Variants in UBQLN4 observed in about 807,000 individuals in gnomAD.
The protein encoded by UBQLN4 is ubiquilin 4, also known as ubiquilin-4.
Under a neutral mutation model 60.4 loss-of-function variants are expected in UBQLN4, and 11 were observed. The ratio of observed to expected loss-of-function variants is 0.18; its 90% CI spans 0.11 to 0.30. The LOEUF is 0.30. Ranked by LOEUF, UBQLN4 falls within the 10% of genes least tolerant of loss-of-function variation. The pLI is 1.00. For missense variants in UBQLN4, 417 were observed against 795.5 expected, an observed-to-expected ratio of 0.52 and a Z score of 5.72; for synonymous variants, 258 against 313.1, an observed-to-expected ratio of 0.82 and a Z score of 1.86.
At chr1:156,039,936 CAAAAAAAAAAA>C (rs34790727) in intron 10 of UBQLN4, among the ~76,000 whole-genome samples, 1 of 72,008 alleles carries the variant, frequency 1.4e-5, no homozygotes, top group Non-Finnish European at 2.5e-5. Context: ...GACTCCGTCT[CAAAAAAAAAAA>C]AAAAAAAAAA....
intron 1 of UBQLN4, 58 bp from the exon 2 acceptor site, chr1:156,051,915 C>A: frequency 6.2e-7 from 1 of 1,603,168 alleles, no homozygotes; most frequent in Non-Finnish European, 8.5e-7. Flanking sequence ...CTACCAGGGA[C>A]CCTGACTCTT....
In UBQLN4 at chr1:156,050,534, C is replaced by A; in HGVS notation, c.498G>T (p.Leu166=). ...AGCCCAGGCCTAGGCTGCCCAGCCCCAGGATGCCCCCAAAGCCAGCTGTGG... is the reference window on the plus strand; with the variant it reads ...AGCCCAGGCCTAGGCTGCCCAGCCCAAGGATGCCCCCAAAGCCAGCTGTGG... ...ASILSGFGGI[L]GLGSLGLGSA... The change falls in exon 4 of 11, where the codon CTG becomes CTT. Residue 166 remains leucine (L), a synonymous_variant. Coordinates refer to ENST00000368309, the MANE Select transcript of UBQLN4 (RefSeq NM_020131.5). The surrounding 1 kb of genome is among the most constrained non-coding windows in gnomAD (Gnocchi z 4.6). The A allele has an allele frequency of 1.9e-6, 3 of 1,611,776 alleles. No homozygotes were observed. Among genetic ancestry groups the A allele is most frequent in the Non-Finnish European group, 2.5e-6 (3 of 1,178,570 alleles).
intron 6 of UBQLN4, among the ~76,000 whole-genome samples, chr1:156,043,550 T>C (rs1005936986): frequency 2.0e-5 from 3 of 152,126 alleles, no homozygotes; most frequent in East Asian, 3.8e-4. Context: ...CCCCAGGCCA[T>C]GTGTACAGTC....
rs1683853947 is a variant in UBQLN4 at position 156,051,023 on chromosome 1, A to T, written c.478+87T>A. The T allele has an allele frequency of 3.8e-6, 5 of 1,320,724 alleles. No homozygotes were observed. The East Asian group carries it at 7.4e-5, about 19-fold the overall frequency. 81.8% of individuals were successfully genotyped at this position (1,320,724 alleles called of 1,614,324 possible). Reference sequence around the variant, plus strand: ...GGTCCCCTATCCCCATCAGACCAGGAGCAGGAACTCCTGTTTCTCCCTCCT... The same window carrying T: ...GGTCCCCTATCCCCATCAGACCAGGTGCAGGAACTCCTGTTTCTCCCTCCT... On this transcript the variant is annotated intron_variant, in intron 3 of 10. Transcript: ENST00000368309.
In UBQLN4 at chr1:156,048,777, GC is replaced by G; in HGVS notation, c.742-119del. On this transcript the variant is annotated intron_variant, in intron 4 of 10. Transcript: ENST00000368309. The surrounding 1 kb of genome is among the most constrained non-coding windows in gnomAD (Gnocchi z 4.9). ...GGATCAGGACCAGGGCCCAGGAACT[GC>G]CCCACAGTGACAGGGAGTAGAGTAA... The G allele has an allele frequency of 8.9e-7, 1 of 1,128,992 alleles. No homozygotes were observed. The highest frequency in any genetic ancestry group is 1.6e-5 in the South Asian group (1 of 62,342). 69.9% of individuals were successfully genotyped at this position (1,128,992 alleles called of 1,614,324 possible). A position where few individuals can be genotyped will look rare whatever the true frequency, so the allele number is the denominator to read the frequency against.
chr1:156,033,959 T>C (rs896227635), downstream of UBQLN4, among the ~76,000 whole-genome samples: 3 of 151,856 alleles, frequency 2.0e-5, no homozygotes, highest in African/African-American at 4.8e-5. Context: ...GTCTTTAGAG[T>C]TTCTTTCCCC....
chr1:156,043,419 T>C (rs1413990620), intron 6 of UBQLN4, among the ~76,000 whole-genome samples: 1 of 152,140 alleles, frequency 6.6e-6, no homozygotes, highest in African/African-American at 2.4e-5. Flanking sequence ...TTTAAAATCA[T>C]GGATCAAGTT....
rs992838700 is a variant in UBQLN4, at chr1:156,036,306, G to A, written c.*672C>T. On this transcript the variant is annotated 3_prime_UTR_variant, in exon 11 of 11. Transcript: ENST00000368309. ...AATCTCATTCCCTCCTCTTTCACAC[G>A]AATTTCCTCTGGGCTGCTCCAGCGT... 19 of 985,380 alleles carry A rather than the reference G, an allele frequency of 1.9e-5. No homozygotes were observed. The African/African-American group carries it at 2.3e-4, about 12-fold the overall frequency. The allele number at this position is 985,380 out of a possible 1,614,324, so 61.0% of individuals were successfully genotyped here.
rs1439566003 is a variant in UBQLN4 at position 156,042,678 on chromosome 1, G to A, written c.1266+96C>T. ...CAGCAGAGCTTGGGATGCAAACCCA[G>A]GCAGTCTGGCTCCACAGTGTTTTGA... On this transcript the variant is annotated intron_variant, in intron 7 of 10. Transcript: ENST00000368309. The A allele has an allele frequency of 2.6e-6, 4 of 1,516,032 alleles. No homozygotes were observed. The East Asian group carries it at 9.1e-5, about 35-fold the overall frequency. 93.9% of individuals were successfully genotyped at this position (1,516,032 alleles called of 1,614,324 possible). A position where few individuals can be genotyped will look rare whatever the true frequency, so the allele number is the denominator to read the frequency against.
chr1:156,036,727 C>A lies in UBQLN4; in HGVS notation c.*251G>T, dbSNP rs1374320265. 34 of 1,240,784 alleles carry A rather than the reference C, an allele frequency of 2.7e-5. No individual in the cohort carries two copies. The highest frequency in any genetic ancestry group is 3.1e-5 in the Non-Finnish European group (31 of 988,588). 76.9% of individuals were successfully genotyped at this position (1,240,784 alleles called of 1,614,324 possible). A position where few individuals can be genotyped will look rare whatever the true frequency, so the allele number is the denominator to read the frequency against. The stretch of plus-strand genomic sequence containing the variant: ...AAGGAGGTAGAGTCAATCAATGAAA[C>A]TGTGAAAACTGTTTAAGTAGCACTG... On this transcript the variant is annotated 3_prime_UTR_variant, in exon 11 of 11. Transcript: ENST00000368309.
chr1:156,036,831 G>C lies in UBQLN4; in HGVS notation c.*147C>G. ...ATTCTCAGACAGAGCTAAGGGGTTG[G>C]AGCCCATGCCTCTAAAGTCACCCTG... is the stretch of plus-strand genomic sequence containing the variant. On this transcript the variant is annotated 3_prime_UTR_variant, in exon 11 of 11. Coordinates refer to ENST00000368309, the MANE Select transcript of UBQLN4 (RefSeq NM_020131.5). 1 of 1,510,982 alleles carries C rather than the reference G, an allele frequency of 6.6e-7. No homozygotes were observed. The highest frequency in any genetic ancestry group is 8.8e-7 in the Non-Finnish European group (1 of 1,132,948). The allele number at this position is 1,510,982 out of a possible 1,614,324, so 93.6% of individuals were successfully genotyped here.
chr1:156,044,318 C>T, intron 5 of UBQLN4, 95 bp from the exon 6 acceptor site: 2 of 1,136,328 alleles, frequency 1.8e-6, no homozygotes, highest in Non-Finnish European at 2.6e-6. Context: ...CCTCCCCTTC[C>T]CCAGAAAAGG....
intron 5 of UBQLN4, among the ~76,000 whole-genome samples, chr1:156,045,686 T>C (rs1441255732): frequency 2.0e-5 from 3 of 152,228 alleles, no homozygotes; most frequent in African/African-American, 7.2e-5. Flanking sequence ...ACATGTGACA[T>C]TGCAAACTGA....
At chr1:156,032,409 G>A (rs1482687209), downstream of UBQLN4, among the ~76,000 whole-genome samples, 1 of 151,520 alleles carries the variant, frequency 6.6e-6, no homozygotes, top group Non-Finnish European at 1.5e-5. Context: ...TACTTGGGAG[G>A]GCGAGGCAGG....
chr1:156,039,970 A>T (rs1683511667), intron 10 of UBQLN4, among the ~76,000 whole-genome samples: 1 of 146,870 alleles, frequency 6.8e-6, no homozygotes, highest in Non-Finnish European at 1.5e-5. Context: ...AGACTCTTAT[A>T]GCTAGAAAGA....
chr1:156,046,499 A>G (rs1302843207), intron 5 of UBQLN4, among the ~76,000 whole-genome samples: 3 of 150,570 alleles, frequency 2.0e-5, no homozygotes, highest in African/African-American at 7.3e-5. Flanking sequence ...TTCGTCTCAA[A>G]AAAACAAAAC....
chr1:156,037,975 T>C (rs1419894960), intron 10 of UBQLN4, among the ~76,000 whole-genome samples: 1 of 152,226 alleles, frequency 6.6e-6, no homozygotes, highest in Non-Finnish European at 1.5e-5. Flanking sequence ...GGCAGAATCA[T>C]AGCTCACTGC....
Position 156,051,730 on chromosome 1 carries a change from T to C in UBQLN4, c.236A>G (p.His79Arg). ...QHGIKDGLTVHLVIKTPQKAQ... is the reference protein window; with the variant it reads ...QHGIKDGLTVRLVIKTPQKAQ... ...CTTCTGAGGGGTCTTGATGACCAGATGGACAGTGAGCCCGTCCTTGATTCC... is the reference window on the plus strand; with the variant it reads ...CTTCTGAGGGGTCTTGATGACCAGACGGACAGTGAGCCCGTCCTTGATTCC... Residue 79 changes from histidine to arginine, a missense_variant, in exon 2 of 11, where the codon CAT (histidine) becomes CGT (arginine). Transcript: ENST00000368309. 6.2e-7 allele frequency: 1 copy of C among 1,613,880 alleles called. No homozygotes were observed. Among genetic ancestry groups the C allele is most frequent in the South Asian group, 1.1e-5 (1 of 91,058 alleles).
At chr1:156,034,336 G>A (rs1215292725), downstream of UBQLN4, among the ~76,000 whole-genome samples, 4 of 122,094 alleles carry the variant, frequency 3.3e-5, no homozygotes, top group Admixed American at 3.4e-4. Flanking sequence ...TTGCTCTGTC[G>A]CCCCCAGGCT....
Sources: gnomAD v4.1 joint callset for allele counts (sites outside exome capture counted in the v4.1 genomes callset) on GRCh38, gnomAD v4.1.1 for gene constraint, Gnocchi (gnomAD v3.1) non-coding constraint, MANE v1.5 for transcripts, NCBI Gene and HGNC (gene_info 2026-07-23, HGNC 2026-07-21) for gene names.